PRR16: variants seen among roughly 807,000 people sequenced by gnomAD.
The protein encoded by PRR16 is protein Largen.
In PRR16, 6 loss-of-function variants were observed where a neutral mutation model predicts 18.2. That is an observed-to-expected ratio of 0.33 (90% CI 0.18 to 0.65). PRR16 has a LOEUF of 0.65. PRR16 is among the 30% of genes least tolerant of loss of function. The pLI, the probability that PRR16 is intolerant of heterozygous loss-of-function variation, is 0.74. For synonymous variants in PRR16, 151 were observed against 147.8 expected (o/e 1.02, Z -0.16); for missense variants, 412 against 376.6 (o/e 1.09, Z -0.78).
the PRR16 span, among the ~76,000 whole-genome samples, chr5:120,722,954 A>C: frequency 4.6e-5 from 7 of 151,480 alleles, no homozygotes; most frequent in Admixed American, 4.6e-4. Context: ...ATATATTTTA[A>C]GAATTATATA....
the PRR16 span, among the ~76,000 whole-genome samples, chr5:120,700,358 A>T: frequency 6.6e-6 from 1 of 152,110 alleles, no homozygotes; most frequent in African/African-American, 2.4e-5. Context: ...GGTAAGGGTG[A>T]TTAGGTTTTA....
intron 1 of PRR16, among the ~76,000 whole-genome samples, chr5:120,505,405 CT>C (rs1398628767): frequency 1.3e-5 from 2 of 151,248 alleles, no homozygotes; most frequent in African/African-American, 4.9e-5. Context: ...CTGTTGCCTC[CT>C]GCTTGGGCAG....
intron 1 of PRR16, among the ~76,000 whole-genome samples, chr5:120,537,172 C>G (rs1751745504): frequency 1.3e-5 from 2 of 152,136 alleles, no homozygotes; most frequent in South Asian, 4.1e-4. Context: ...CAAACCCGCA[C>G]ATGTACCCCT....
At chr5:120,703,672 C>T in the PRR16 span, among the ~76,000 whole-genome samples, 4 of 151,942 alleles carry the variant, frequency 2.6e-5, no homozygotes, top group African/African-American at 9.7e-5. Flanking sequence ...ATGTGTTGTT[C>T]CTTGCAATGT....
the PRR16 span, among the ~76,000 whole-genome samples, chr5:120,702,231 G>T: frequency 2.0e-5 from 3 of 150,418 alleles, no homozygotes; most frequent in African/African-American, 2.4e-5. Context: ...TAAGGGGTCG[G>T]GACACAGAAA....
At chr5:120,578,788 G>T (rs1040088727) in intron 1 of PRR16, among the ~76,000 whole-genome samples, 3 of 149,662 alleles carry the variant, frequency 2.0e-5, no homozygotes, top group Non-Finnish European at 1.5e-5. Flanking sequence ...GGGTGAAATG[G>T]TATGTCTGGT....
the PRR16 span, among the ~76,000 whole-genome samples, chr5:120,712,154 C>G: frequency 1.3e-5 from 2 of 152,098 alleles, no homozygotes; most frequent in African/African-American, 2.4e-5. Flanking sequence ...TAGTGAAATG[C>G]TTACTACGTG....
the PRR16 span, among the ~76,000 whole-genome samples, chr5:120,739,910 T>C: frequency 6.6e-6 from 1 of 152,180 alleles, no homozygotes; most frequent in Non-Finnish European, 1.5e-5. Flanking sequence ...TACTAAAACA[T>C]ATTTTAAAAT....
the PRR16 span, among the ~76,000 whole-genome samples, chr5:120,736,536 G>GTTT: frequency 3.4e-5 from 3 of 87,126 alleles, no homozygotes; most frequent in African/African-American, 8.9e-5. Flanking sequence ...AAGTGTAAAG[G>GTTT]CTTTTTTTTT....
intron 1 of PRR16, among the ~76,000 whole-genome samples, chr5:120,633,124 G>T (rs1755113909): frequency 6.6e-6 from 1 of 152,018 alleles, no homozygotes; most frequent in Non-Finnish European, 1.5e-5. Context: ...TTTATCCAAG[G>T]AAACTAAGCT....
rs532982596 is a variant in PRR16, at chr5:120,627,345, C to A, written c.160-58609C>A. Among the ~76,000 whole-genome samples the A allele has an allele frequency of 7.2e-5, 11 of 152,196 alleles. 1 individual carries two copies. The South Asian group carries it at 1.5e-3, about 20-fold the overall frequency. ...GATACTTAACAAGTACTGATTAATT[C>A]TGTACAGCCATAGTAGATATCATAG... is the stretch of plus-strand genomic sequence containing the variant. On this transcript the variant is annotated intron_variant, in intron 1 of 1. Coordinates refer to ENST00000407149, the MANE Select transcript of PRR16 (RefSeq NM_001300783.2).
the PRR16 span, among the ~76,000 whole-genome samples, chr5:120,716,907 T>C: frequency 6.6e-6 from 1 of 151,922 alleles, no homozygotes; most frequent in African/African-American, 2.4e-5. Flanking sequence ...ACAAAAATCA[T>C]GGTCCTTGAA....
At chr5:120,665,762 A>G (rs964741925) in intron 1 of PRR16, among the ~76,000 whole-genome samples, 4 of 152,064 alleles carry the variant, frequency 2.6e-5, no homozygotes, top group East Asian at 3.9e-4. Context: ...AAGATCAGAT[A>G]GTTGTAGATA....
chr5:120,500,861 G>C (rs115805500), intron 1 of PRR16, among the ~76,000 whole-genome samples: 2,473 of 151,944 alleles, frequency 0.016, 25 homozygotes, highest in African/African-American at 0.026. Flanking sequence ...TTAAGTTCTT[G>C]CTATATCCTA....
the PRR16 span, among the ~76,000 whole-genome samples, chr5:120,758,681 T>A: frequency 2.0e-5 from 3 of 152,204 alleles, no homozygotes; most frequent in Admixed American, 2.0e-4. Flanking sequence ...ATGTAAGACG[T>A]GCCTTGCTTC....
At chr5:120,784,497 G>A in the PRR16 span, among the ~76,000 whole-genome samples, 2 of 152,096 alleles carry the variant, frequency 1.3e-5, no homozygotes, top group Non-Finnish European at 2.9e-5. Context: ...TTGGCAAAGA[G>A]ACAACCTATA....
At chr5:120,786,970 AAGT>A in the PRR16 span, among the ~76,000 whole-genome samples, 1 of 152,138 alleles carries the variant, frequency 6.6e-6, no homozygotes, top group South Asian at 2.1e-4. Flanking sequence ...TCCATCCAAA[AAGT>A]GAGTAAAACT....
chr5:120,584,884 A>G (rs1753390224), intron 1 of PRR16, among the ~76,000 whole-genome samples: 1 of 152,158 alleles, frequency 6.6e-6, no homozygotes, highest in Non-Finnish European at 1.5e-5. Flanking sequence ...AGGTGGTGCT[A>G]TAGAGACACC....
At chr5:120,694,170 G>A in the PRR16 span, among the ~76,000 whole-genome samples, 3 of 152,118 alleles carry the variant, frequency 2.0e-5, no homozygotes, top group Non-Finnish European at 2.9e-5. Context: ...CAAATTACTC[G>A]TGTTCTTTGT....
Sources: gnomAD v4.1 joint callset for allele counts (sites outside exome capture counted in the v4.1 genomes callset) on GRCh38, gnomAD v4.1.1 for gene constraint, MANE v1.5 for transcripts, NCBI Gene and HGNC (gene_info 2026-07-23, HGNC 2026-07-21) for gene names.